Variants in CERT1 observed in about 807,000 individuals in gnomAD.
The protein encoded by CERT1 is ceramide transfer protein.
In CERT1, 31 loss-of-function variants were observed where a neutral mutation model predicts 87.9. The observed-to-expected ratio is 0.35, with a 90% CI of 0.27 to 0.48. The LOEUF is 0.48. Ranked by LOEUF, CERT1 falls within the 20% of genes least tolerant of loss-of-function variation. CERT1 has a pLI of 0.99. For missense variants in CERT1, 487 were observed against 758.0 expected, an observed-to-expected ratio of 0.64 and a Z score of 4.20; for synonymous variants, 289 against 250.9, an observed-to-expected ratio of 1.15 and a Z score of -1.44.
intron 2 of CERT1, among the ~76,000 whole-genome samples, chr5:75,499,949 T>C (rs529033562): frequency 3.9e-5 from 6 of 152,256 alleles, no homozygotes; most frequent in East Asian, 3.9e-4. Flanking sequence ...AACAGCAGCA[T>C]TGTGGATTTA....
chr5:75,400,113 A>G, intron 10 of CERT1, 92 bp downstream of exon 10: 1 of 937,842 alleles, frequency 1.1e-6, no homozygotes, highest in Non-Finnish European at 1.7e-6. Context: ...CTCTGGTGAC[A>G]GAGTGAGACT....
At chr5:75,447,448 T>TTATTTATTTATTTATA (rs1764593087) in intron 3 of CERT1, among the ~76,000 whole-genome samples, 1 of 145,414 alleles carries the variant, frequency 6.9e-6, no homozygotes. Flanking sequence ...TAAAAAAAAT[T>TTATTTATTTATTTATA]TATTTATTTA....
At chr5:75,402,147 CAAT>C (rs1257573876) in intron 9 of CERT1, 1 of 151,970 alleles carries the variant, frequency 6.6e-6, no homozygotes, top group African/African-American at 2.4e-5. Flanking sequence ...GCTATACACT[CAAT>C]AATGATGACA....
intron 12 of CERT1, 23 bp downstream of exon 12, chr5:75,389,569 T>C: frequency 6.3e-7 from 1 of 1,584,862 alleles, no homozygotes; most frequent in East Asian, 2.2e-5. Context: ...TTTGGCAATC[T>C]ATAACATTTC....
At chr5:75,479,892 A>C (rs1001669602) in intron 2 of CERT1, among the ~76,000 whole-genome samples, 1 of 152,084 alleles carries the variant, frequency 6.6e-6, no homozygotes, top group Non-Finnish European at 1.5e-5. Context: ...GGTTGAACTA[A>C]TTTATGCTCC....
At chr5:75,449,400 C>A (rs1764686259) in intron 3 of CERT1, among the ~76,000 whole-genome samples, 1 of 152,210 alleles carries the variant, frequency 6.6e-6, no homozygotes, top group African/African-American at 2.4e-5. Context: ...ACAATTCCAA[C>A]TTGCCTTGCA....
Position 75,393,602 on chromosome 5 carries a change from T to TAAAAAAAAA in CERT1, c.1189-3924_1189-3916dup, listed in dbSNP as rs60898983. 3.2e-3 allele frequency among the ~76,000 whole-genome samples: 103 copies of TAAAAAAAAA among 32,690 alleles called. 5 individuals are homozygous for TAAAAAAAAA. Among genetic ancestry groups the TAAAAAAAAA allele is most frequent in the South Asian group, 0.011 (5 of 438 alleles). 21.4% of individuals were successfully genotyped at this position (32,690 alleles called of 152,430 possible). On this transcript the variant is annotated intron_variant, in intron 11 of 16. Transcript: ENST00000643780. Reference sequence around the variant, plus strand: ...GCAACATAGCAAGACCTCATCTACTTAAAAAAAAAAAAAAAAAAAAAGAAA... The same window carrying TAAAAAAAAA: ...GCAACATAGCAAGACCTCATCTACTTAAAAAAAAAAAAAAAAAAAAAAAAAAAAAAGAAA...
intron 2 of CERT1, among the ~76,000 whole-genome samples, chr5:75,490,068 C>T (rs1766709016): frequency 6.6e-6 from 1 of 152,062 alleles, no homozygotes; most frequent in African/African-American, 2.4e-5. Flanking sequence ...AACGTGGAAA[C>T]CATCATTCTC....
chr5:75,398,590 A>G (rs1486536684), intron 11 of CERT1, among the ~76,000 whole-genome samples: 2 of 152,180 alleles, frequency 1.3e-5, no homozygotes, highest in African/African-American at 4.8e-5. Flanking sequence ...AATGGCAAAG[A>G]TGTGAAGATT....
intron 2 of CERT1, among the ~76,000 whole-genome samples, chr5:75,503,918 A>AAACATTTAAATTTTTTGTTTAATTTAAAT (rs1767529607): frequency 5.3e-4 from 1 of 1,894 alleles, no homozygotes; most frequent in South Asian, 0.013. Context: ...TTAATTTAAA[A>AAACATTTAAATTTTTTGTTTAATTTAAAT]TTTTCTTTTC....
chr5:75,488,803 G>A (rs1766643986), intron 2 of CERT1, among the ~76,000 whole-genome samples: 1 of 152,012 alleles, frequency 6.6e-6, no homozygotes, highest in Non-Finnish European at 1.5e-5. Flanking sequence ...ATCATTCTGG[G>A]TTAATTTTCC....
intron 3 of CERT1, among the ~76,000 whole-genome samples, chr5:75,450,139 T>C (rs1233777880): frequency 1.3e-5 from 2 of 152,338 alleles, no homozygotes; most frequent in East Asian, 1.9e-4. Flanking sequence ...TTTTGAAGTA[T>C]TTGGGTGTAA....
At chr5:75,368,689 A>G (rs1760977401) in intron 17 of CERT1, 1 of 152,206 alleles carries the variant, frequency 6.6e-6, no homozygotes, top group African/African-American at 2.4e-5. Flanking sequence ...TTAAGCACCT[A>G]ATTGTGATCA....
chr5:75,451,572 C>T (rs1007811115), intron 3 of CERT1, among the ~76,000 whole-genome samples: 12 of 152,086 alleles, frequency 7.9e-5, no homozygotes, highest in Admixed American at 7.9e-4. Context: ...TTAAACACTT[C>T]CCAGTTAAAC....
At chr5:75,498,259 G>C (rs182847993) in intron 2 of CERT1, among the ~76,000 whole-genome samples, 1 of 152,162 alleles carries the variant, frequency 6.6e-6, no homozygotes, top group South Asian at 2.1e-4. Flanking sequence ...AAAGAAGAAC[G>C]TATTTTCTGG....
At chr5:75,436,552 T>C (rs1764104275) in intron 3 of CERT1, among the ~76,000 whole-genome samples, 1 of 152,152 alleles carries the variant, frequency 6.6e-6, no homozygotes, top group South Asian at 2.1e-4. Context: ...GATTTAAATA[T>C]GGGAGACTGC....
At chr5:75,433,012 G>C (rs1458450697) in intron 3 of CERT1, among the ~76,000 whole-genome samples, 2 of 152,142 alleles carry the variant, frequency 1.3e-5, no homozygotes, top group Non-Finnish European at 2.9e-5. Context: ...GGTTGTGGTT[G>C]TGAGGCTTTA....
chr5:75,498,970 C>A (rs1767211126), intron 2 of CERT1, among the ~76,000 whole-genome samples: 1 of 152,122 alleles, frequency 6.6e-6, no homozygotes, highest in East Asian at 1.9e-4. Flanking sequence ...ACGGAGCTGC[C>A]CAAGGTGGTG....
At chr5:75,424,530 C>T (rs1197583673) in intron 5 of CERT1, among the ~76,000 whole-genome samples, 5 of 150,668 alleles carry the variant, frequency 3.3e-5, no homozygotes, top group Admixed American at 1.3e-4. Flanking sequence ...CGAGATCACG[C>T]GACTGCACTC....
Sources: gnomAD v4.1 joint callset for allele counts (sites outside exome capture counted in the v4.1 genomes callset) on GRCh38, gnomAD v4.1.1 for gene constraint, MANE v1.5 for transcripts, NCBI Gene and HGNC (gene_info 2026-07-23, HGNC 2026-07-21) for gene names.